The following SLC6A15 variants were observed in gnomAD, a reference collection of about 807,000 sequenced individuals.
The protein encoded by SLC6A15 is sodium-dependent neutral amino acid transporter B(0)AT2.
In SLC6A15, 33 loss-of-function variants were observed where a neutral mutation model predicts 68.5. The ratio of observed to expected loss-of-function variants is 0.48; its 90% CI spans 0.37 to 0.64. The LOEUF (loss-of-function observed/expected upper bound fraction) is 0.64. Among genes scored for constraint, SLC6A15 ranks in the 30% least tolerant of loss-of-function variants. The probability of loss-of-function intolerance (pLI) is 0.00; values close to 1 mark genes in which losing one functional copy is unlikely to be tolerated. For missense variants in SLC6A15, 747 were observed against 874.3 expected (o/e 0.85, Z 1.84); for synonymous variants, 347 against 301.0 (o/e 1.15, Z -1.58).
At chr12:84,882,937 A>G (rs1167258356) in intron 5 of SLC6A15, 4 of 782,730 alleles carry the variant, frequency 5.1e-6, no homozygotes, top group Non-Finnish European at 3.1e-6. Context: ...TATTATGACT[A>G]CTTCTACTAT....
At chr12:84,870,743 T>C (rs1383905741) in intron 8 of SLC6A15, 73 bp from the exon 9 acceptor site, 4 of 904,908 alleles carry the variant, frequency 4.4e-6, no homozygotes, top group Admixed American at 2.6e-5. Flanking sequence ...TCAGTTACAA[T>C]GAGGAGGAAA....
At chr12:84,890,516 C>A (rs1436522822) in intron 2 of SLC6A15, among the ~76,000 whole-genome samples, 1 of 152,156 alleles carries the variant, frequency 6.6e-6, no homozygotes, top group African/African-American at 2.4e-5. Flanking sequence ...ATAAATAATT[C>A]ATGTGTGAGG....
intron 1 of SLC6A15, among the ~76,000 whole-genome samples, chr12:84,893,604 C>G (rs1038783748): frequency 1.1e-4 from 16 of 152,064 alleles, no homozygotes; most frequent in African/African-American, 3.6e-4. Flanking sequence ...AGAATTCCGC[C>G]CTTCATTTCT....
At chr12:84,865,801 T>A (rs542206059) in intron 10 of SLC6A15, among the ~76,000 whole-genome samples, 10 of 152,204 alleles carry the variant, frequency 6.6e-5, no homozygotes, top group Non-Finnish European at 1.3e-4. Context: ...TAATATTTCA[T>A]TGTCTGGATG....
intron 8 of SLC6A15, among the ~76,000 whole-genome samples, chr12:84,871,999 A>G (rs1871306069): frequency 6.6e-6 from 1 of 152,070 alleles, no homozygotes; most frequent in Non-Finnish European, 1.5e-5. Context: ...CTCTACTAAA[A>G]TTACAAAAAT....
chr12:84,888,376 CTAA>C (rs1261784247), intron 2 of SLC6A15, among the ~76,000 whole-genome samples: 8 of 151,896 alleles, frequency 5.3e-5, no homozygotes, highest in Non-Finnish European at 1.2e-4. Flanking sequence ...TGCCCATCGA[CTAA>C]TGAGTGGATA....
intron 8 of SLC6A15, 25 bp from the exon 9 acceptor site, chr12:84,870,695 A>T (rs1871250793): frequency 6.7e-7 from 1 of 1,494,844 alleles, no homozygotes; most frequent in Non-Finnish European, 9.2e-7. Context: ...AAATAGCAAC[A>T]TTAGTACAGA....
At chr12:84,869,215 T>G (rs1871184446) in intron 9 of SLC6A15, among the ~76,000 whole-genome samples, 1 of 152,034 alleles carries the variant, frequency 6.6e-6, no homozygotes, top group Non-Finnish European at 1.5e-5. Flanking sequence ...ATCCTAGCAC[T>G]TTGGGAGGCC....
Position 84,861,525 on chromosome 12 carries a change from A to AAC in SLC6A15, c.*105_*106dup. 1 of 1,273,162 alleles carries AAC rather than the reference A, an allele frequency of 7.9e-7. No homozygotes were observed. The highest frequency in any genetic ancestry group is 1.1e-6 in the Non-Finnish European group (1 of 919,430). The allele number at this position is 1,273,162 out of a possible 1,614,324, so 78.9% of individuals were successfully genotyped here. A position where few individuals can be genotyped will look rare whatever the true frequency, so the allele number is the denominator to read the frequency against. On this transcript the variant is annotated 3_prime_UTR_variant, in exon 12 of 12. Transcript: ENST00000266682. ...TTAGGATTAAAGATCACAGCCACGG[A>AAC]ACACCTGAGATTGCCCTCTGATAAG...
intron 1 of SLC6A15, among the ~76,000 whole-genome samples, chr12:84,897,934 G>A (rs1451490696): frequency 6.6e-6 from 1 of 151,886 alleles, no homozygotes. Context: ...TATGTGCAGG[G>A]GACAATTGTG....
chr12:84,897,743 A>G (rs1181451878), intron 1 of SLC6A15, among the ~76,000 whole-genome samples: 1 of 152,178 alleles, frequency 6.6e-6, no homozygotes, highest in Non-Finnish European at 1.5e-5. Flanking sequence ...TCCTAAGCAT[A>G]AGAGAAATGA....
At chr12:84,904,150 G>A (rs1336607553) in intron 1 of SLC6A15, among the ~76,000 whole-genome samples, 4 of 148,052 alleles carry the variant, frequency 2.7e-5, no homozygotes, top group Non-Finnish European at 4.5e-5. Flanking sequence ...CATGTAAAAC[G>A]TCTGCTTCTC....
chr12:84,901,812 A>G (rs1239231149), intron 1 of SLC6A15, among the ~76,000 whole-genome samples: 2 of 151,408 alleles, frequency 1.3e-5, no homozygotes, highest in Non-Finnish European at 3.0e-5. Flanking sequence ...GTCTTTGACA[A>G]CTTAAAATTT....
Position 84,861,329 on chromosome 12 carries a change from T to C in SLC6A15, c.*303A>G. Reference sequence around the variant, plus strand: ...ACCCAGAAATTATTAGAAACTGAGGTAATACCATTTTTTTAAGAGATAGAA... The same window carrying C: ...ACCCAGAAATTATTAGAAACTGAGGCAATACCATTTTTTTAAGAGATAGAA... On this transcript the variant is annotated 3_prime_UTR_variant, in exon 12 of 12. Coordinates refer to ENST00000266682, the MANE Select transcript of SLC6A15 (RefSeq NM_182767.6). 4.3e-6 allele frequency: 1 copy of C among 233,328 alleles called. No individual in the cohort carries two copies. Among genetic ancestry groups the C allele is most frequent in the Non-Finnish European group, 8.3e-6 (1 of 119,984 alleles). 14.5% of individuals were successfully genotyped at this position (233,328 alleles called of 1,614,324 possible).
At chr12:84,873,438 A>C in intron 6 of SLC6A15, 110 bp from the exon 7 acceptor site, 1 of 1,235,858 alleles carries the variant, frequency 8.1e-7, no homozygotes, top group South Asian at 1.5e-5. Flanking sequence ...ATGCATCCAA[A>C]GTTTATTTAA....
chr12:84,861,781 G>A lies in SLC6A15; in HGVS notation c.2044C>T (p.Pro682Ser). The change falls in exon 12 of 12, where the codon CCG becomes TCG. Residue 682 changes from proline to serine, a missense_variant. Transcript: ENST00000266682. ...DDTSLIHGKI[P>S]SEMPSPNFGK... is the part of the protein sequence containing the mutation. Reference sequence around the variant, plus strand: ...AAATTTGGAGATGGCATCTCGCTCGGTATTTTTCCGTGAATGAGGCTTGTA... The same window carrying A: ...AAATTTGGAGATGGCATCTCGCTCGATATTTTTCCGTGAATGAGGCTTGTA... 2.5e-6 allele frequency: 4 copies of A among 1,613,960 alleles called. No homozygotes were observed. Among genetic ancestry groups the A allele is most frequent in the Non-Finnish European group, 3.4e-6 (4 of 1,179,952 alleles).
At chr12:84,882,722 C>T (rs1231762570) in intron 5 of SLC6A15, 6 of 165,022 alleles carry the variant, frequency 3.6e-5, no homozygotes, top group Non-Finnish European at 4.8e-5. Flanking sequence ...ATTCCTCAAA[C>T]CTGTTTATTT....
intron 11 of SLC6A15, among the ~76,000 whole-genome samples, 168 bp from the exon 12 acceptor site, chr12:84,862,174 C>T (rs1283645560): frequency 2.0e-5 from 3 of 152,132 alleles, no homozygotes; most frequent in Non-Finnish European, 2.9e-5. Context: ...CAAGACTAGG[C>T]CTCAAAGGCC....
chr12:84,898,316 G>A (rs1268632373), intron 1 of SLC6A15, among the ~76,000 whole-genome samples: 1 of 152,052 alleles, frequency 6.6e-6, no homozygotes, highest in Non-Finnish European at 1.5e-5. Flanking sequence ...CTCCAGCCTG[G>A]GTGACAGAGT....
Sources: allele counts gnomAD v4.1 joint callset (sites outside exome capture counted in the v4.1 genomes callset), GRCh38; gene constraint gnomAD v4.1.1; transcripts MANE v1.5; gene names NCBI Gene and HGNC (gene_info 2026-07-23, HGNC 2026-07-21).